Variants in STAM2 observed in about 807,000 individuals in gnomAD.
STAM2 encodes the protein signal transducing adapter molecule 2.
STAM2 carries 51 observed loss-of-function variants against 65.6 expected under a neutral mutation model. The ratio of observed to expected loss-of-function variants is 0.78; its 90% CI spans 0.62 to 0.98. The LOEUF is 0.98. STAM2 is among the 50% of genes least tolerant of loss of function. STAM2 has a pLI of 0.00. For synonymous variants in STAM2, 198 were observed against 208.4 expected (o/e 0.95, Z 0.43); for missense variants, 584 against 617.8 (o/e 0.95, Z 0.58).
chr2:152,139,499 C>G (rs576472430), intron 7 of STAM2, among the ~76,000 whole-genome samples: 1 of 152,138 alleles, frequency 6.6e-6, no homozygotes, highest in South Asian at 2.1e-4. Context: ...CAGGCTGTAG[C>G]GTGCTATGCT....
intron 1 of STAM2, among the ~76,000 whole-genome samples, chr2:152,152,204 G>A (rs1208164185): frequency 6.6e-6 from 1 of 152,192 alleles, no homozygotes; most frequent in East Asian, 1.9e-4. Context: ...GCCTCCCAAA[G>A]TGCTGAGATT....
chr2:152,124,926 T>A (rs1054661763), intron 12 of STAM2, among the ~76,000 whole-genome samples: 2 of 152,194 alleles, frequency 1.3e-5, no homozygotes, highest in Admixed American at 1.3e-4. Context: ...CAAATTAGAA[T>A]AGAAACTTTT....
intron 1 of STAM2, among the ~76,000 whole-genome samples, chr2:152,163,649 T>C (rs1689725665): frequency 6.6e-6 from 1 of 151,998 alleles, no homozygotes; most frequent in South Asian, 2.1e-4. Context: ...TTGCAGAGAG[T>C]CTATAAACAG....
intron 1 of STAM2, among the ~76,000 whole-genome samples, chr2:152,160,853 C>T (rs1421675460): frequency 6.7e-5 from 10 of 149,702 alleles, no homozygotes; most frequent in East Asian, 2.0e-4. Context: ...CCCGGCCAGC[C>T]GCCCCGTCCG....
At chr2:152,123,723 G>T (rs768059639) in intron 13 of STAM2, 43 bp downstream of exon 13, 1 of 1,583,970 alleles carries the variant, frequency 6.3e-7, no homozygotes, top group Admixed American at 1.7e-5. Context: ...GAAAATCTAG[G>T]AAAATTAACA....
At position 152,137,563 on chromosome 2, in the gene STAM2, C is replaced by T. The variant is rs79276332; in HGVS notation, c.705-1960G>A. Among the ~76,000 whole-genome samples the T allele has an allele frequency of 7.5e-3, 1,140 of 152,196 alleles. 6 individuals are homozygous for T. Among genetic ancestry groups the T allele is most frequent in the Non-Finnish European group, 0.013 (902 of 68,002 alleles). On this transcript the variant is annotated intron_variant, in intron 7 of 13. Coordinates refer to ENST00000263904, the MANE Select transcript of STAM2 (RefSeq NM_005843.6). Reference sequence around the variant, plus strand: ...ATGCAGAGAACTTCTTCTAGGCTGTCGCTGTCTTTTCAGCATATGTTTATG... The same window carrying T: ...ATGCAGAGAACTTCTTCTAGGCTGTTGCTGTCTTTTCAGCATATGTTTATG...
At chr2:152,137,389 C>G (rs1689175655) in intron 7 of STAM2, among the ~76,000 whole-genome samples, 1 of 152,166 alleles carries the variant, frequency 6.6e-6, no homozygotes, top group Non-Finnish European at 1.5e-5. Context: ...TCTACTTGTG[C>G]TTGCTAGCTA....
chr2:152,156,219 GA>G (rs1689543138), intron 1 of STAM2, among the ~76,000 whole-genome samples: 1 of 151,970 alleles, frequency 6.6e-6, no homozygotes, highest in Non-Finnish European at 1.5e-5. Flanking sequence ...TTCCTGATTT[GA>G]ATACTCTATC....
chr2:152,144,389 T>C (rs1412748713), intron 6 of STAM2, among the ~76,000 whole-genome samples: 1 of 152,118 alleles, frequency 6.6e-6, no homozygotes, highest in Non-Finnish European at 1.5e-5. Context: ...CAAATACATA[T>C]TACTGAAAAA....
chr2:152,124,413 C>G (rs1237885807), intron 12 of STAM2: 4 of 153,034 alleles, frequency 2.6e-5, no homozygotes, highest in Non-Finnish European at 5.8e-5. Context: ...TATAAGGGTG[C>G]CAGGGCTTCC....
At chr2:152,149,950 G>C (rs1383177480) in intron 2 of STAM2, among the ~76,000 whole-genome samples, 195 bp downstream of exon 2, 1 of 152,194 alleles carries the variant, frequency 6.6e-6, no homozygotes, top group African/African-American at 2.4e-5. Context: ...TGGAGGAAGA[G>C]GGGTTGGTCT....
intron 1 of STAM2, among the ~76,000 whole-genome samples, chr2:152,164,243 G>T (rs1213173666): frequency 6.6e-6 from 1 of 152,086 alleles, no homozygotes; most frequent in Non-Finnish European, 1.5e-5. Flanking sequence ...ATTGGAGGTG[G>T]GTTCCCCGAT....
intron 11 of STAM2, among the ~76,000 whole-genome samples, chr2:152,128,823 T>C (rs573677213): frequency 6.6e-6 from 1 of 152,358 alleles, no homozygotes; most frequent in African/African-American, 2.4e-5. Flanking sequence ...AATTTCATTC[T>C]GTACAATGAC....
intron 1 of STAM2, among the ~76,000 whole-genome samples, chr2:152,153,885 T>TACAC (rs70974824): frequency 0.34 from 49,881 of 144,706 alleles, 9,663 homozygotes; most frequent in Non-Finnish European, 0.46. Context: ...AGACATTACA[T>TACAC]ACACACACAC....
chr2:152,160,488 C>G (rs1689645620), intron 1 of STAM2, among the ~76,000 whole-genome samples: 1 of 151,614 alleles, frequency 6.6e-6, no homozygotes, highest in African/African-American at 2.4e-5. Context: ...AGCCCCTCCG[C>G]CCGGCAGCCG....
At chr2:152,158,864 C>T (rs947277488) in intron 1 of STAM2, among the ~76,000 whole-genome samples, 4 of 151,686 alleles carry the variant, frequency 2.6e-5, no homozygotes, top group South Asian at 2.1e-4. Context: ...AATCCATTCA[C>T]GAAGGAGGTA....
chr2:152,174,110 G>A (rs185299672), intron 1 of STAM2, among the ~76,000 whole-genome samples: 2 of 152,288 alleles, frequency 1.3e-5, no homozygotes, highest in Admixed American at 1.3e-4. Flanking sequence ...GAACAGAACA[G>A]ACAGAGCAAC....
At position 152,133,269 on chromosome 2, in the gene STAM2, G is replaced by C. The variant is rs757634553; in HGVS notation, c.883-9C>G. On this transcript the variant is annotated splice_polypyrimidine_tract_variant and intron_variant, in intron 9 of 13. Transcript: ENST00000263904. ...GCTCTATCCATCTTATCCTAAAAAA[G>C]TAACAGGACACTTTTCAAAAACTCA... The C allele has an allele frequency of 6.3e-7, 1 of 1,596,440 alleles. No homozygotes were observed. Among genetic ancestry groups the C allele is most frequent in the East Asian group, 2.2e-5 (1 of 44,694 alleles).
chr2:152,120,213 T>G lies in STAM2; in HGVS notation c.*361A>C. The G allele has an allele frequency of 5.3e-6, 1 of 189,814 alleles. No individual in the cohort carries two copies. Among genetic ancestry groups the G allele is most frequent in the Non-Finnish European group, 1.0e-5 (1 of 96,548 alleles). The allele number at this position is 189,814 out of a possible 1,614,324, so 11.8% of individuals were successfully genotyped here. ...TTTGACAAACTCACTCTGTCGATCA[T>G]GCTACTGCACTCCAGCCTGGGTGAC... On this transcript the variant is annotated 3_prime_UTR_variant, in exon 14 of 14. Coordinates refer to ENST00000263904, the MANE Select transcript of STAM2 (RefSeq NM_005843.6).
Sources: gnomAD v4.1 joint callset for allele counts (sites outside exome capture counted in the v4.1 genomes callset) on GRCh38, gnomAD v4.1.1 for gene constraint, MANE v1.5 for transcripts, NCBI Gene and HGNC (gene_info 2026-07-23, HGNC 2026-07-21) for gene names.